The following ONECUT2 variants were observed in gnomAD, a reference collection of about 807,000 sequenced individuals.
ONECUT2 encodes the protein one cut homeobox 2.
ONECUT2 carries 10 observed loss-of-function variants against 27.9 expected under a neutral mutation model. The ratio of observed to expected loss-of-function variants is 0.36; its 90% confidence interval spans 0.22 to 0.61. ONECUT2 has a LOEUF of 0.61. ONECUT2 is among the 20% of genes least tolerant of loss of function. The pLI is 0.73. For missense variants in ONECUT2, 686 were observed against 721.0 expected (o/e 0.95, Z 0.56); for synonymous variants, 334 against 315.1 (o/e 1.06, Z -0.64).
intron 1 of ONECUT2, among the ~76,000 whole-genome samples, chr18:57,461,363 G>C (rs2050290387): frequency 6.6e-6 from 1 of 152,148 alleles, no homozygotes; most frequent in South Asian, 2.1e-4. Context: ...CATTTGGATT[G>C]TTTCCAGTTT....
chr18:57,451,987 T>G (rs2050232975), intron 1 of ONECUT2, among the ~76,000 whole-genome samples: 1 of 152,182 alleles, frequency 6.6e-6, no homozygotes, highest in South Asian at 2.1e-4. Context: ...TGTTTTGTTT[T>G]GTTTGCATTC....
intron 1 of ONECUT2, among the ~76,000 whole-genome samples, chr18:57,439,106 G>A (rs924986079): frequency 2.0e-5 from 3 of 152,214 alleles, no homozygotes; most frequent in Admixed American, 6.5e-5. Flanking sequence ...TAAAAAACAC[G>A]TGCCTTCTGC....
chr18:57,456,556 C>G (rs1055582353), intron 1 of ONECUT2, among the ~76,000 whole-genome samples: 1 of 152,028 alleles, frequency 6.6e-6, no homozygotes, highest in Admixed American at 6.6e-5. Context: ...CTCATAGAAA[C>G]GGAAAGTACA....
intron 1 of ONECUT2, among the ~76,000 whole-genome samples, chr18:57,448,359 G>T (rs2050212273): frequency 6.6e-6 from 1 of 152,050 alleles, no homozygotes; most frequent in African/African-American, 2.4e-5. Context: ...CAAGTTCCAG[G>T]TGGCCCTTTG....
chr18:57,486,308 A>C lies in ONECUT2; in HGVS notation c.*9585A>C, dbSNP rs1392001792. 1 of 152,628 alleles carries C rather than the reference A, an allele frequency of 6.6e-6. No homozygotes were observed. Among genetic ancestry groups the C allele is most frequent in the Non-Finnish European group, 1.5e-5 (1 of 68,068 alleles). The allele number at this position is 152,628 out of a possible 1,614,324, so 9.5% of individuals were successfully genotyped here. On this transcript the variant is annotated 3_prime_UTR_variant, in exon 2 of 2. Transcript: ENST00000491143. The stretch of plus-strand genomic sequence containing the variant: ...GCTTCAACTGGGCCTCCATACAGTC[A>C]GTTGGTGGGCTTATTGTACTGTGGT...
chr18:57,465,018 G>A (rs529327073), intron 1 of ONECUT2, among the ~76,000 whole-genome samples: 155 of 152,088 alleles, frequency 1.0e-3, no homozygotes, highest in South Asian at 1.9e-3. Flanking sequence ...GCCTTTCTAC[G>A]GGAAAGACCA....
At chr18:57,462,710 T>C (rs1006126112) in intron 1 of ONECUT2, among the ~76,000 whole-genome samples, 1 of 151,038 alleles carries the variant, frequency 6.6e-6, no homozygotes, top group African/African-American at 2.4e-5. Context: ...AATTACCCTA[T>C]GTTATTTTCT....
At chr18:57,454,473 G>A (rs966320053) in intron 1 of ONECUT2, among the ~76,000 whole-genome samples, 7 of 151,966 alleles carry the variant, frequency 4.6e-5, no homozygotes, top group African/African-American at 1.5e-4. Flanking sequence ...GGCAGGGGAC[G>A]ACTCTTGAAG....
intron 1 of ONECUT2, among the ~76,000 whole-genome samples, chr18:57,471,728 G>C (rs2050355129): frequency 6.6e-6 from 1 of 152,218 alleles, no homozygotes; most frequent in South Asian, 2.1e-4. Context: ...GACACAACCA[G>C]CATGACCAAT....
chr18:57,446,437 C>G (rs1322865128), intron 1 of ONECUT2, among the ~76,000 whole-genome samples: 3 of 152,164 alleles, frequency 2.0e-5, no homozygotes, highest in Non-Finnish European at 4.4e-5. Context: ...AGACAGACCT[C>G]CAAACATGGC....
At chr18:57,446,062 A>G (rs1382746253) in intron 1 of ONECUT2, among the ~76,000 whole-genome samples, 1 of 152,208 alleles carries the variant, frequency 6.6e-6, no homozygotes, top group East Asian at 1.9e-4. Context: ...TGTGCTGCAA[A>G]AGCCAAAGGT....
chr18:57,445,950 A>C (rs1465900747), intron 1 of ONECUT2, among the ~76,000 whole-genome samples: 1 of 152,258 alleles, frequency 6.6e-6, no homozygotes, highest in Non-Finnish European at 1.5e-5. Context: ...ATGAAGGCTT[A>C]GGCCTCAGAA....
In ONECUT2 at chr18:57,436,639, T is replaced by C. The variant is rs760310876; in HGVS notation, c.923T>C (p.Leu308Pro). The C allele has an allele frequency of 6.2e-7, 1 of 1,612,104 alleles. No homozygotes were observed. Among genetic ancestry groups the C allele is most frequent in the South Asian group, 1.1e-5 (1 of 91,056 alleles). ...PGHTQSHGPV[L>P]APSRERPPSS... is the part of the protein sequence containing the mutation. ...CACACTCAGTCTCACGGGCCGGTGC[T>C]GGCACCCAGTCGCGAGCGGCCACCC... Residue 308 changes from leucine to proline, a missense_variant, in exon 1 of 2, where the codon CTG becomes CCG. Coordinates refer to ENST00000491143, the MANE Select transcript of ONECUT2 (RefSeq NM_004852.3). This position sits in a 1 kb window ranked among gnomAD's most constrained non-coding sequence, Gnocchi z 5.9.
Position 57,455,257 on chromosome 18 carries a change from T to C in ONECUT2, c.1228+18313T>C, listed in dbSNP as rs143806565. On this transcript the variant is annotated intron_variant, in intron 1 of 1. Transcript: ENST00000491143. Reference sequence around the variant, plus strand: ...CATCTTTATTCCCAAATTAGGATCCTTAACAAGAAAAGAGAAAAGAAAGAA... The same window carrying C: ...CATCTTTATTCCCAAATTAGGATCCCTAACAAGAAAAGAGAAAAGAAAGAA... Among the ~76,000 whole-genome samples the C allele has an allele frequency of 8.4e-4, 128 of 152,312 alleles. 1 individual carries two copies. The highest frequency in any genetic ancestry group is 3.0e-3 in the African/African-American group (124 of 41,564).
chr18:57,447,317 G>C (rs538980998), intron 1 of ONECUT2, among the ~76,000 whole-genome samples: 1 of 152,332 alleles, frequency 6.6e-6, no homozygotes, highest in South Asian at 2.1e-4. Context: ...AACGCTGTTT[G>C]AGCGAATTGG....
At position 57,452,410 on chromosome 18, in the gene ONECUT2, G is replaced by GTATTTTATTTTATTTTATTTTATTT. The variant is rs59877360; in HGVS notation, c.1228+15474_1228+15498dup. Among the ~76,000 whole-genome samples the GTATTTTATTTTATTTTATTTTATTT allele has an allele frequency of 6.0e-4, 90 of 151,002 alleles. 1 individual carries two copies. The highest frequency in any genetic ancestry group is 2.1e-3 in the African/African-American group (87 of 40,878). On this transcript the variant is annotated intron_variant, in intron 1 of 1. Transcript: ENST00000491143. ...CAGGTGATTGCTTGTAGCTCAACCT[G>GTATTTTATTTTATTTTATTTTATTT]TATTTTATTTTATTTTATTTTATTT...
At chr18:57,470,345 G>A (rs2050346503) in intron 1 of ONECUT2, among the ~76,000 whole-genome samples, 1 of 152,222 alleles carries the variant, frequency 6.6e-6, no homozygotes, top group African/African-American at 2.4e-5. Context: ...TGGAGGCTGG[G>A]AAGGGGTTTT....
At chr18:57,473,381 A>G (rs2050364696) in intron 1 of ONECUT2, among the ~76,000 whole-genome samples, 2 of 152,220 alleles carry the variant, frequency 1.3e-5, no homozygotes, top group South Asian at 4.1e-4. Flanking sequence ...TACTGGGGTA[A>G]TACAATGAGA....
In ONECUT2 at chr18:57,480,474, C is replaced by G. The variant is rs140424974; in HGVS notation, c.*3751C>G. ...TCTCAGCGTTTGGGTCTCCAGCATC[C>G]TCTGAAGATGTCTAGACTAGTAGAG... On this transcript the variant is annotated 3_prime_UTR_variant, in exon 2 of 2. Coordinates refer to ENST00000491143, the MANE Select transcript of ONECUT2 (RefSeq NM_004852.3). 6.6e-5 allele frequency: 10 copies of G among 152,138 alleles called. No individual in the cohort carries two copies. The East Asian group carries it at 1.4e-3, about 21-fold the overall frequency. The allele number at this position is 152,138 out of a possible 1,614,324, so 9.4% of individuals were successfully genotyped here. A position where few individuals can be genotyped will look rare whatever the true frequency, so the allele number is the denominator to read the frequency against.
Sources: allele counts gnomAD v4.1 joint callset (sites outside exome capture counted in the v4.1 genomes callset), GRCh38; gene constraint gnomAD v4.1.1; non-coding constraint Gnocchi (gnomAD v3.1); transcripts MANE v1.5; gene names NCBI Gene and HGNC (gene_info 2026-07-23, HGNC 2026-07-21).